The following PCDHGA6 variants were observed in gnomAD, a reference collection of about 807,000 sequenced individuals.
PCDHGA6 encodes the protein protocadherin gamma subfamily A, 6, also known as protocadherin gamma-A6.
A neutral mutation model predicts 60.6 loss-of-function variants in PCDHGA6; 41 were observed. The ratio of observed to expected loss-of-function variants is 0.68; its 90% confidence interval spans 0.53 to 0.88. The LOEUF (loss-of-function observed/expected upper bound fraction) is 0.88, where lower values mean the gene tolerates loss of function less well. Among genes scored for constraint, PCDHGA6 ranks in the 40% least tolerant of loss-of-function variants. The probability of loss-of-function intolerance (pLI) is 0.00; values close to 1 mark genes in which losing one functional copy is unlikely to be tolerated. For missense variants in PCDHGA6, 1,312 were observed against 1,203.0 expected, an observed-to-expected ratio of 1.09 and a Z score of -1.34; for synonymous variants, 594 against 524.4, an observed-to-expected ratio of 1.13 and a Z score of -1.81.
intron 1 of PCDHGA6, chr5:141,391,341 C>G (rs2092360139): frequency 6.9e-6 from 1 of 145,086 alleles, no homozygotes. Flanking sequence ...GAGACAGAGT[C>G]TCTGTCTGTT....
intron 2 of PCDHGA6, among the ~76,000 whole-genome samples, chr5:141,502,625 T>G (rs2099815384): frequency 6.6e-6 from 1 of 152,210 alleles, no homozygotes; most frequent in Admixed American, 6.5e-5. Context: ...ATAAGTAATC[T>G]GTGGATGATA....
At chr5:141,436,053 A>G (rs971342534) in intron 1 of PCDHGA6, among the ~76,000 whole-genome samples, 2 of 152,232 alleles carry the variant, frequency 1.3e-5, no homozygotes, top group African/African-American at 2.4e-5. Flanking sequence ...TAGTTTTCAA[A>G]TAGAATTTAA....
chr5:141,423,210 C>A (rs954945082), intron 1 of PCDHGA6: 2 of 1,613,578 alleles, frequency 1.2e-6, no homozygotes, highest in East Asian at 4.5e-5. Flanking sequence ...CCGTCACGCT[C>A]ACCGTGGCTG....
intron 1 of PCDHGA6, chr5:141,410,044 C>T (rs1220745023): frequency 1.7e-5 from 27 of 1,613,184 alleles, no homozygotes; most frequent in Admixed American, 3.3e-5. Context: ...CCAGTGAGCC[C>T]GGACTCTTCA....
rs767580455 is a variant in PCDHGA6 at position 141,402,948 on chromosome 5, C to G, written c.2424+26441C>G. The G allele has an allele frequency of 7.5e-6, 12 of 1,592,864 alleles. No individual in the cohort carries two copies. In the African/African-American group the frequency reaches 1.2e-4, roughly 16 times the overall value. On this transcript the variant is annotated intron_variant, in intron 1 of 3. Transcript: ENST00000517434. ...CTTTTGAGAAAATTCCAAAGCGAGG[C>G]AGCAATGGCAGCTCCAACCAAATGC... is the stretch of plus-strand genomic sequence containing the variant.
intron 1 of PCDHGA6, chr5:141,392,749 A>G (rs2092584642): frequency 6.9e-7 from 1 of 1,449,652 alleles, no homozygotes; most frequent in Admixed American, 2.8e-5. Flanking sequence ...AGCTGCGGCA[A>G]GAAACTAAAT....
rs776773140 is a variant in PCDHGA6, at chr5:141,476,589, G to T, written c.2425-18218G>T. The T allele has an allele frequency of 6.2e-7, 1 of 1,614,246 alleles. No individual in the cohort carries two copies. Among genetic ancestry groups the T allele is most frequent in the South Asian group, 1.1e-5 (1 of 91,090 alleles). On this transcript the variant is annotated intron_variant, in intron 1 of 3. Coordinates refer to ENST00000517434, the MANE Select transcript of PCDHGA6 (RefSeq NM_018919.3). This position sits in a 1 kb window ranked among gnomAD's most constrained non-coding sequence, Gnocchi z 7.6. ...CCGGGGACGCGCTTTCCGCTCGAGA[G>T]CGCGCACGATCCCGATGTGGGAAGC...
rs1688094877 is a variant in PCDHGA6 at position 141,432,625 on chromosome 5, C to T, written c.2424+56118C>T. 1.2e-6 allele frequency: 2 copies of T among 1,613,240 alleles called. No individual in the cohort carries two copies. The highest frequency in any genetic ancestry group is 1.7e-6 in the Non-Finnish European group (2 of 1,179,778). ...CGGGACTCTTCTCGGTGGGTCTGCA[C>T]ACGGGCGAGGTGCGCACGGCGCGAG... On this transcript the variant is annotated intron_variant, in intron 1 of 3. Coordinates refer to ENST00000517434, the MANE Select transcript of PCDHGA6 (RefSeq NM_018919.3). The surrounding 1 kb of genome is among the most constrained non-coding windows in gnomAD (Gnocchi z 6.0).
In PCDHGA6 at chr5:141,431,464, G is replaced by C. The variant is rs1413324509; in HGVS notation, c.2424+54957G>C. On this transcript the variant is annotated intron_variant, in intron 1 of 3. Coordinates refer to ENST00000517434, the MANE Select transcript of PCDHGA6 (RefSeq NM_018919.3). This position sits in a 1 kb window ranked among gnomAD's most constrained non-coding sequence, Gnocchi z 4.8. ...GCATCCGCGTGATGGTTCTGGATGCGAACGACAACGCACCAGCGTTTGCTC... is the reference window on the plus strand; with the variant it reads ...GCATCCGCGTGATGGTTCTGGATGCCAACGACAACGCACCAGCGTTTGCTC... The C allele has an allele frequency of 6.2e-7, 1 of 1,613,664 alleles. No individual in the cohort carries two copies. Among genetic ancestry groups the C allele is most frequent in the African/African-American group, 1.3e-5 (1 of 74,950 alleles).
In PCDHGA6 at chr5:141,512,839, C is replaced by T. The variant is rs141207714; in HGVS notation, c.*1666C>T. ...GACCCCCTCCCCCGTACTGACTTCTCCTATAAGCGCTTCTCTTCGCATAGT... is the reference window on the plus strand; with the variant it reads ...GACCCCCTCCCCCGTACTGACTTCTTCTATAAGCGCTTCTCTTCGCATAGT... On this transcript the variant is annotated 3_prime_UTR_variant, in exon 4 of 4. Transcript: ENST00000517434. 278 of 152,216 alleles carry T rather than the reference C, an allele frequency of 1.8e-3. 2 individuals are homozygous for T. Among genetic ancestry groups the T allele is most frequent in the Middle Eastern group, 0.01 (3 of 292 alleles). 9.4% of individuals were successfully genotyped at this position (152,216 alleles called of 1,614,324 possible). A position where few individuals can be genotyped will look rare whatever the true frequency, so the allele number is the denominator to read the frequency against.
At chr5:141,417,993 C>T (rs753867006) in intron 1 of PCDHGA6, 11 of 1,613,830 alleles carry the variant, frequency 6.8e-6, no homozygotes, top group Non-Finnish European at 7.6e-6. Flanking sequence ...GCCAAGGGCT[C>T]GGTGGTGGGG....
chr5:141,419,419 C>A (rs767018815), intron 1 of PCDHGA6: 1 of 1,613,384 alleles, frequency 6.2e-7, no homozygotes. Context: ...AGCGCGCCTT[C>A]GACCACGAGC....
At chr5:141,398,955 A>G in intron 1 of PCDHGA6, 6 of 1,613,966 alleles carry the variant, frequency 3.7e-6, no homozygotes, top group Non-Finnish European at 5.1e-6. Context: ...TCAACTCAGA[A>G]ATTACTTATT....
In PCDHGA6 at chr5:141,428,081, C is replaced by A. The variant is rs768842388; in HGVS notation, c.2424+51574C>A. 14 of 1,609,100 alleles carry A rather than the reference C, an allele frequency of 8.7e-6. No individual in the cohort carries two copies. In the African/African-American group the frequency reaches 1.1e-4, roughly 12 times the overall value. ...CGGTGGACGCAGATTCGGGACACAA[C>A]GCTTGGCTGTCCTACCACGTGCTGC... is the stretch of plus-strand genomic sequence containing the variant. On this transcript the variant is annotated intron_variant, in intron 1 of 3. Transcript: ENST00000517434.
intron 1 of PCDHGA6, among the ~76,000 whole-genome samples, chr5:141,473,466 G>A (rs1217251844): frequency 1.3e-5 from 2 of 151,738 alleles, no homozygotes; most frequent in East Asian, 1.9e-4. Flanking sequence ...TTAAAGTTGT[G>A]CCAAGTTCAA....
At position 141,490,782 on chromosome 5, in the gene PCDHGA6, ACGGATCTTTGCC is replaced by A; in HGVS notation, c.2425-4023_2425-4012del. 6.2e-7 allele frequency: 1 copy of A among 1,614,054 alleles called. No individual in the cohort carries two copies. Among genetic ancestry groups the A allele is most frequent in the Non-Finnish European group, 8.5e-7 (1 of 1,179,952 alleles). ...TTGTGTATGTCAACCCAGAGGATGGACGGATCTTTGCCCAGCGTACCTTTGACTATGAATTGC... is the reference window on the plus strand; with the variant it reads ...TTGTGTATGTCAACCCAGAGGATGGACAGCGTACCTTTGACTATGAATTGC... On this transcript the variant is annotated intron_variant, in intron 1 of 3. Transcript: ENST00000517434. This position sits in a 1 kb window ranked among gnomAD's most constrained non-coding sequence, Gnocchi z 5.4.
chr5:141,403,182 T>G (rs1458009956), intron 1 of PCDHGA6: 1 of 1,613,858 alleles, frequency 6.2e-7, no homozygotes, highest in Non-Finnish European at 8.5e-7. Context: ...CTTTTCTCTC[T>G]GAACCCGCGC....
intron 1 of PCDHGA6, chr5:141,385,045 C>T (rs769354835): frequency 1.9e-6 from 3 of 1,614,178 alleles, no homozygotes. Flanking sequence ...GGCGCTCAGG[C>T]TGCGGCGCTG....
chr5:141,375,729 G>A lies in PCDHGA6; in HGVS notation c.1646G>A (p.Ser549Asn). The change falls in exon 1 of 4, where the codon AGC (serine) becomes AAC (asparagine). Residue 549 changes from serine (S) to asparagine (N), a missense_variant. By Grantham distance (46) the Ser-to-Asn change is conservative. Coordinates refer to ENST00000517434, the MANE Select transcript of PCDHGA6 (RefSeq NM_018919.3). ...CCTCTTAGCAGCAACGTGTCACTGA[G>A]CCTGTTTGTGCTGGACCAGAATGAC... ...DPPLSSNVSL[S>N]LFVLDQNDNA... The A allele has an allele frequency of 1.9e-6, 3 of 1,614,264 alleles. No homozygotes were observed. The highest frequency in any genetic ancestry group is 2.5e-6 in the Non-Finnish European group (3 of 1,180,046).
Sources: allele counts gnomAD v4.1 joint callset (sites outside exome capture counted in the v4.1 genomes callset), GRCh38; gene constraint gnomAD v4.1.1; non-coding constraint Gnocchi (gnomAD v3.1); transcripts MANE v1.5; gene names NCBI Gene and HGNC (gene_info 2026-07-23, HGNC 2026-07-21).